Variants in SAMD4A observed in about 807,000 individuals in gnomAD.
SAMD4A encodes sterile alpha motif domain containing 4A.
Under a neutral mutation model 81.3 loss-of-function variants are expected in SAMD4A, and 33 were observed. The observed-to-expected ratio is 0.41, with a 90% CI of 0.31 to 0.54. The LOEUF is 0.54. SAMD4A is among the 20% of genes least tolerant of loss of function. The probability of loss-of-function intolerance (pLI) is 0.37; values close to 1 mark genes in which losing one functional copy is unlikely to be tolerated. For synonymous variants in SAMD4A, 389 were observed against 382.1 expected, an observed-to-expected ratio of 1.02 and a Z score of -0.21; for missense variants, 854 against 951.1, an observed-to-expected ratio of 0.90 and a Z score of 1.34.
At chr14:54,680,029 C>T (rs894031303) in intron 2 of SAMD4A, among the ~76,000 whole-genome samples, 1 of 152,220 alleles carries the variant, frequency 6.6e-6, no homozygotes, top group Non-Finnish European at 1.5e-5. Flanking sequence ...GCTCACAGTC[C>T]TACCGGGGCC....
At chr14:54,766,087 T>C (rs1345843457) in intron 8 of SAMD4A, among the ~76,000 whole-genome samples, 1 of 152,130 alleles carries the variant, frequency 6.6e-6, no homozygotes, top group Non-Finnish European at 1.5e-5. Flanking sequence ...AAAAATGGTT[T>C]TTTCCCTCTT....
intron 4 of SAMD4A, among the ~76,000 whole-genome samples, chr14:54,746,708 G>A (rs1427726854): frequency 1.3e-5 from 2 of 152,172 alleles, no homozygotes; most frequent in Non-Finnish European, 2.9e-5. Context: ...CAGCTGTAGG[G>A]CACCCAGTGA....
At chr14:54,773,869 A>G (rs2038768931) in intron 9 of SAMD4A, among the ~76,000 whole-genome samples, 1 of 152,246 alleles carries the variant, frequency 6.6e-6, no homozygotes, top group African/African-American at 2.4e-5. Context: ...AAACTGATTC[A>G]GGCACCGGAC....
intron 2 of SAMD4A, among the ~76,000 whole-genome samples, chr14:54,631,873 C>T (rs189184392): frequency 2.0e-4 from 30 of 152,258 alleles, no homozygotes; most frequent in Middle Eastern, 3.4e-3. Flanking sequence ...AAAGTATTAA[C>T]AATTTTTGTG....
At chr14:54,622,952 C>T (rs930025429) in intron 2 of SAMD4A, among the ~76,000 whole-genome samples, 8 of 152,206 alleles carry the variant, frequency 5.3e-5, no homozygotes, top group African/African-American at 1.7e-4. Context: ...TTAGGCCGAT[C>T]GGTCTGAATG....
At chr14:54,625,369 T>A (rs142352630) in intron 2 of SAMD4A, among the ~76,000 whole-genome samples, 1 of 152,244 alleles carries the variant, frequency 6.6e-6, no homozygotes, top group Admixed American at 6.5e-5. Flanking sequence ...ATTCTGTCAT[T>A]AGTCTTCCCT....
chr14:54,737,120 T>A lies in SAMD4A; in HGVS notation c.812T>A (p.Met271Lys). ...AACCAGCCTCTAGGACATGGATGGA[T>A]GTCTCATGAGGACTTACGAGCTAGA... The part of the protein sequence containing the change: ...VPNQPLGHGW[M>K]SHEDLRARGP... Residue 271 changes from methionine to lysine, a missense_variant, in exon 4 of 13, where the codon ATG becomes AAG. By Grantham distance (95) the Met-to-Lys change is moderately conservative. This residue lies in a region of SAMD4A where 387 missense variants were observed against 405.8 expected (regional missense o/e 0.95). Transcript: ENST00000554335. 1 of 1,614,128 alleles carries A rather than the reference T, an allele frequency of 6.2e-7. No homozygotes were observed. Among genetic ancestry groups the A allele is most frequent in the Non-Finnish European group, 8.5e-7 (1 of 1,179,994 alleles).
rs549644760 is a variant in SAMD4A at position 54,695,951 on chromosome 14, C to T, written c.197-6111C>T. Among the ~76,000 whole-genome samples the T allele has an allele frequency of 3.4e-3, 328 of 96,094 alleles. 2 individuals carry two copies. The highest frequency in any genetic ancestry group is 0.013 in the African/African-American group (313 of 24,820). The allele number at this position is 96,094 out of a possible 152,430, so 63.0% of individuals were successfully genotyped here. ...CTGGTGACGGAGTGAGACTCCATCT[C>T]AGAAAAAAAAAAAAAAAAAAAAGAA... On this transcript the variant is annotated intron_variant, in intron 2 of 12. Transcript: ENST00000554335.
chr14:54,752,855 A>G (rs552015909), intron 6 of SAMD4A, among the ~76,000 whole-genome samples: 55 of 152,342 alleles, frequency 3.6e-4, no homozygotes, highest in African/African-American at 1.2e-3. Context: ...GGAGAAAAAC[A>G]TGTGAGCAAT....
chr14:54,780,360 TA>T (rs776256686), intron 11 of SAMD4A, among the ~76,000 whole-genome samples: 2 of 152,220 alleles, frequency 1.3e-5, no homozygotes, highest in Non-Finnish European at 2.9e-5. Flanking sequence ...TCTTCTGCCA[TA>T]AGCACGCTGC....
At chr14:54,751,830 T>C (rs1165213163) in intron 6 of SAMD4A, among the ~76,000 whole-genome samples, 2 of 152,224 alleles carry the variant, frequency 1.3e-5, no homozygotes, top group Non-Finnish European at 2.9e-5. Flanking sequence ...TTTGTGTCTC[T>C]GCCTCGTATA....
chr14:54,743,230 C>T (rs1001333729), intron 4 of SAMD4A, among the ~76,000 whole-genome samples: 1 of 152,204 alleles, frequency 6.6e-6, no homozygotes, highest in Non-Finnish European at 1.5e-5. Flanking sequence ...TCATTATTTT[C>T]TTGATGCTGA....
At chr14:54,774,827 A>T in intron 9 of SAMD4A, 107 bp from the exon 10 acceptor site, 1 of 1,027,122 alleles carries the variant, frequency 9.7e-7, no homozygotes, top group Non-Finnish European at 1.4e-6. Context: ...AAAAAAAAAA[A>T]AAAAAAAATG....
At chr14:54,601,270 C>A (rs1358847672) in intron 2 of SAMD4A, among the ~76,000 whole-genome samples, 1 of 152,134 alleles carries the variant, frequency 6.6e-6, no homozygotes, top group Non-Finnish European at 1.5e-5. Context: ...CTGGTAGTTG[C>A]CTCCCCTTTC....
intron 6 of SAMD4A, 95 bp from the exon 7 acceptor site, chr14:54,760,066 A>T: frequency 2.3e-6 from 3 of 1,300,770 alleles, no homozygotes; most frequent in Non-Finnish European, 3.2e-6. Flanking sequence ...GCAGCCACGA[A>T]TCCTGTAAGA....
chr14:54,753,057 C>T (rs1259836372), intron 6 of SAMD4A, among the ~76,000 whole-genome samples: 1 of 152,232 alleles, frequency 6.6e-6, no homozygotes, highest in East Asian at 1.9e-4. Flanking sequence ...AATGTACAAT[C>T]GGGTTTTATA....
At chr14:54,692,168 G>A (rs1480044632) in intron 2 of SAMD4A, among the ~76,000 whole-genome samples, 4 of 152,116 alleles carry the variant, frequency 2.6e-5, no homozygotes, top group Admixed American at 2.0e-4. Flanking sequence ...TTTAGAAAGC[G>A]TGGGACCCAG....
chr14:54,616,890 A>G lies in SAMD4A; in HGVS notation c.196+48778A>G, dbSNP rs77377600. 7.3e-3 allele frequency among the ~76,000 whole-genome samples: 1,108 copies of G among 152,336 alleles called. 11 individuals are homozygous for G. Among genetic ancestry groups the G allele is most frequent in the African/African-American group, 0.025 (1,042 of 41,580 alleles). On this transcript the variant is annotated intron_variant, in intron 2 of 12. Transcript: ENST00000554335. ...CCATTTAATGAGGTACTAATGAAGA[A>G]ATACTGTCCTTTAATTACAAAATAA...
intron 2 of SAMD4A, among the ~76,000 whole-genome samples, chr14:54,578,587 C>T (rs905178255): frequency 6.6e-6 from 1 of 151,942 alleles, no homozygotes; most frequent in Non-Finnish European, 1.5e-5. Context: ...TTGTGTGTGC[C>T]TGTAGTCCCA....
Sources: gnomAD v4.1 joint callset for allele counts (sites outside exome capture counted in the v4.1 genomes callset) on GRCh38, gnomAD v4.1.1 for gene constraint, gnomAD v4.1.1 regional missense constraint, MANE v1.5 for transcripts, NCBI Gene and HGNC (gene_info 2026-07-23, HGNC 2026-07-21) for gene names.